The following RNF150 variants were observed in gnomAD, a reference collection of about 807,000 sequenced individuals.
RNF150 encodes ring finger protein 150.
A neutral mutation model predicts 39.3 loss-of-function variants in RNF150; 24 were observed. The ratio of observed to expected loss-of-function variants is 0.61; its 90% confidence interval spans 0.44 to 0.86. The LOEUF (loss-of-function observed/expected upper bound fraction) is 0.86. RNF150 is among the 40% of genes least tolerant of loss of function. RNF150 has a pLI of 0.00. For synonymous variants in RNF150, 255 were observed against 227.3 expected (o/e 1.12, Z -1.10); for missense variants, 502 against 587.8 (o/e 0.85, Z 1.51).
intron 1 of RNF150, among the ~76,000 whole-genome samples, chr4:141,035,100 C>T (rs998048507): frequency 1.3e-5 from 2 of 152,184 alleles, no homozygotes; most frequent in African/African-American, 4.8e-5. Context: ...TTTACAAACT[C>T]TCTACAATTT....
intron 1 of RNF150, among the ~76,000 whole-genome samples, chr4:141,107,757 T>C (rs1327722820): frequency 2.6e-5 from 4 of 152,146 alleles, no homozygotes; most frequent in South Asian, 2.1e-4. Context: ...CCAAGAAAAC[T>C]AGAAAAGAGC....
At chr4:140,957,794 A>G (rs7661013) in intron 2 of RNF150, among the ~76,000 whole-genome samples, 5,954 of 151,774 alleles carry the variant, frequency 0.039, 268 homozygotes, top group African/African-American at 0.11. Context: ...GTAAACTATC[A>G]CAAGAACAAA....
chr4:141,091,192 G>T (rs972246993), intron 1 of RNF150, among the ~76,000 whole-genome samples: 3 of 152,160 alleles, frequency 2.0e-5, no homozygotes, highest in African/African-American at 7.2e-5. Context: ...CCTCTGGAAG[G>T]TCTAGCTTTC....
At chr4:141,200,280 G>T (rs143462916) in intron 1 of RNF150, among the ~76,000 whole-genome samples, 1 of 151,996 alleles carries the variant, frequency 6.6e-6, no homozygotes, top group Non-Finnish European at 1.5e-5. Context: ...GTTCTCTAGG[G>T]CCTCTTTTAT....
intron 1 of RNF150, among the ~76,000 whole-genome samples, chr4:141,052,578 G>A (rs778001184): frequency 2.3e-4 from 35 of 152,064 alleles, no homozygotes; most frequent in African/African-American, 3.4e-4. Flanking sequence ...GTTTCACTAC[G>A]TTGGCCAGGC....
intron 1 of RNF150, among the ~76,000 whole-genome samples, chr4:140,972,627 T>C (rs1027030373): frequency 2.0e-5 from 3 of 152,126 alleles, no homozygotes; most frequent in Non-Finnish European, 4.4e-5. Context: ...TATTTGGTCA[T>C]CTAGGTGTGA....
At chr4:141,140,399 ATG>A (rs1213605393) in intron 1 of RNF150, among the ~76,000 whole-genome samples, 1 of 152,168 alleles carries the variant, frequency 6.6e-6, no homozygotes, top group Admixed American at 6.5e-5. Flanking sequence ...ATGTCATAAA[ATG>A]TTTTGGGAGG....
intron 1 of RNF150, among the ~76,000 whole-genome samples, chr4:141,086,809 T>C (rs982334470): frequency 1.3e-5 from 2 of 151,814 alleles, no homozygotes; most frequent in African/African-American, 4.8e-5. Context: ...AATTGACACT[T>C]CCTTGTTACA....
At chr4:140,934,040 C>A (rs192768707) in intron 4 of RNF150, among the ~76,000 whole-genome samples, 1 of 152,310 alleles carries the variant, frequency 6.6e-6, no homozygotes, top group East Asian at 1.9e-4. Context: ...GACAGAGTCT[C>A]GTTCTATTGC....
intron 1 of RNF150, among the ~76,000 whole-genome samples, chr4:141,184,859 C>T (rs186677102): frequency 2.2e-5 from 3 of 136,762 alleles, no homozygotes; most frequent in Non-Finnish European, 4.9e-5. Context: ...TTCCATTGGT[C>T]TATATATCTG....
intron 6 of RNF150, among the ~76,000 whole-genome samples, chr4:140,891,975 C>A (rs764595479): frequency 9.9e-5 from 15 of 152,166 alleles, no homozygotes; most frequent in Admixed American, 9.8e-4. Context: ...ACCGTCCCCC[C>A]AACCACCTCT....
chr4:141,142,121 C>T (rs1333741196), intron 1 of RNF150, among the ~76,000 whole-genome samples: 2 of 152,056 alleles, frequency 1.3e-5, no homozygotes, highest in Non-Finnish European at 2.9e-5. Flanking sequence ...ATGCCTTCCC[C>T]ACACTCTTTA....
intron 1 of RNF150, among the ~76,000 whole-genome samples, chr4:141,027,763 T>C (rs1735760235): frequency 1.3e-5 from 2 of 152,190 alleles, no homozygotes; most frequent in South Asian, 4.1e-4. Flanking sequence ...AATGACTGAA[T>C]GGTGCAGAGT....
At chr4:140,985,698 T>G (rs1430119297) in intron 1 of RNF150, among the ~76,000 whole-genome samples, 1 of 152,116 alleles carries the variant, frequency 6.6e-6, no homozygotes, top group East Asian at 1.9e-4. Flanking sequence ...TCTAAATAAT[T>G]GTTACTAATG....
At chr4:141,065,587 C>T (rs959379095) in intron 1 of RNF150, among the ~76,000 whole-genome samples, 1 of 151,360 alleles carries the variant, frequency 6.6e-6, no homozygotes, top group African/African-American at 2.4e-5. Flanking sequence ...TCTCTGTAAA[C>T]CTAAGAAAGG....
intron 5 of RNF150, among the ~76,000 whole-genome samples, chr4:140,922,267 G>A (rs1161354541): frequency 1.3e-5 from 2 of 151,288 alleles, no homozygotes; most frequent in African/African-American, 2.4e-5. Context: ...CAACTTCAGC[G>A]AAGTCTCAGG....
intron 1 of RNF150, among the ~76,000 whole-genome samples, chr4:141,115,651 C>T (rs1739527984): frequency 6.6e-6 from 1 of 152,136 alleles, no homozygotes; most frequent in South Asian, 2.1e-4. Context: ...CTTTAAATTT[C>T]ATATGGAACC....
chr4:140,875,782 A>G (rs1016700661), intron 6 of RNF150, among the ~76,000 whole-genome samples: 8 of 152,122 alleles, frequency 5.3e-5, no homozygotes, highest in African/African-American at 1.9e-4. Flanking sequence ...TTAACTTGAC[A>G]TGATAGTTTT....
intron 6 of RNF150, among the ~76,000 whole-genome samples, chr4:140,876,016 G>A (rs1052996442): frequency 6.6e-6 from 1 of 152,174 alleles, no homozygotes; most frequent in African/African-American, 2.4e-5. Flanking sequence ...AGAAAATAAG[G>A]TGGTGGTTAA....
Sources: gnomAD v4.1 joint callset for allele counts (sites outside exome capture counted in the v4.1 genomes callset) on GRCh38, gnomAD v4.1.1 for gene constraint, MANE v1.5 for transcripts, NCBI Gene and HGNC (gene_info 2026-07-23, HGNC 2026-07-21) for gene names.